Variants in SLC25A12 observed in about 807,000 individuals in gnomAD.
The protein encoded by SLC25A12 is solute carrier family 25 member 12, also known as electrogenic aspartate/glutamate antiporter SLC25A12, mitochondrial.
Under a neutral mutation model 83.3 loss-of-function variants are expected in SLC25A12, and 32 were observed. That is an observed-to-expected ratio of 0.38 (90% confidence interval 0.29 to 0.52). The LOEUF (loss-of-function observed/expected upper bound fraction) is 0.52. Among genes scored for constraint, SLC25A12 ranks in the 20% least tolerant of loss-of-function variants. The pLI is 0.84. For missense variants in SLC25A12, 611 were observed against 835.6 expected (o/e 0.73, Z 3.31); for synonymous variants, 267 against 291.1 (o/e 0.92, Z 0.84).
At chr2:171,850,352 T>C (rs1166539369) in intron 4 of SLC25A12, among the ~76,000 whole-genome samples, 1 of 135,326 alleles carries the variant, frequency 7.4e-6, no homozygotes, top group South Asian at 2.7e-4. Flanking sequence ...TTTTTTTTTT[T>C]TTTTTTTTTT....
Position 171,813,517 on chromosome 2 carries a change from T to C in SLC25A12, c.1013-20A>G. On this transcript the variant is annotated intron_variant, in intron 10 of 17. Coordinates refer to ENST00000422440, the MANE Select transcript of SLC25A12 (RefSeq NM_003705.5). ...CCACAGCTACAAACAGAACAATTTT[T>C]AGGCTTAAAAAAGAACACAATTAAA... 1.2e-6 allele frequency: 2 copies of C among 1,613,582 alleles called. No homozygotes were observed. Among genetic ancestry groups the C allele is most frequent in the East Asian group, 2.2e-5 (1 of 44,886 alleles).
In SLC25A12 at chr2:171,853,681, C is replaced by CA. The variant is rs879742369; in HGVS notation, c.325+2152dup. Among the ~76,000 whole-genome samples the CA allele has an allele frequency of 3.5e-3, 476 of 136,356 alleles. 1 individual carries two copies. Among genetic ancestry groups the CA allele is most frequent in the African/African-American group, 3.8e-3 (141 of 37,046 alleles). The allele number at this position is 136,356 out of a possible 152,430, so 89.5% of individuals were successfully genotyped here. ...GGGTGACAGAGTGAGGCTCCACCTC[C>CA]AAAAAAAAAAAACTAAAGTTGAGAT... On this transcript the variant is annotated intron_variant, in intron 4 of 17. Transcript: ENST00000422440.
intron 13 of SLC25A12, 90 bp from the exon 14 acceptor site, chr2:171,793,857 T>G: frequency 6.9e-7 from 1 of 1,449,084 alleles, no homozygotes; most frequent in Non-Finnish European, 9.7e-7. Context: ...CCTCCACATC[T>G]TGCTATCTTG....
intron 6 of SLC25A12, among the ~76,000 whole-genome samples, chr2:171,836,153 G>A (rs767809070): frequency 4.0e-5 from 6 of 149,934 alleles, no homozygotes; most frequent in Admixed American, 6.7e-5. Context: ...TGAGGGCAGG[G>A]GAGTGGGGGA....
intron 11 of SLC25A12, among the ~76,000 whole-genome samples, chr2:171,811,842 T>TA (rs1383025767): frequency 5.9e-5 from 9 of 152,216 alleles, no homozygotes; most frequent in Middle Eastern, 3.2e-3. Context: ...AGGTTCCTTT[T>TA]AATAGGGGAC....
chr2:171,822,003 T>C (rs1422440341), intron 9 of SLC25A12, among the ~76,000 whole-genome samples: 2 of 152,224 alleles, frequency 1.3e-5, no homozygotes. Flanking sequence ...GTAGTGATTT[T>C]TTTTCCTTGT....
chr2:171,785,488 A>G lies in SLC25A12; in HGVS notation c.1836-13T>C. 2 of 1,613,532 alleles carry G rather than the reference A, an allele frequency of 1.2e-6. No individual in the cohort carries two copies. The highest frequency in any genetic ancestry group is 1.7e-6 in the Non-Finnish European group (2 of 1,179,860). On this transcript the variant is annotated splice_polypyrimidine_tract_variant and intron_variant, in intron 17 of 17. Transcript: ENST00000422440. ...ACCAGCGGGTTTGCTGTTGACAGAA[A>G]AAAAGCCAATGGTTAGCATGCTCAA... is the stretch of plus-strand genomic sequence containing the variant.
intron 5 of SLC25A12, among the ~76,000 whole-genome samples, chr2:171,842,419 C>G (rs1684699190): frequency 6.6e-6 from 1 of 152,080 alleles, no homozygotes; most frequent in Middle Eastern, 3.4e-3. Context: ...ATGGTGAAAC[C>G]CTGTCTCTAC....
intron 2 of SLC25A12, among the ~76,000 whole-genome samples, chr2:171,878,112 C>T (rs1232255383): frequency 1.3e-5 from 2 of 152,138 alleles, no homozygotes; most frequent in Non-Finnish European, 2.9e-5. Flanking sequence ...GTACCAGGCA[C>T]TATGCCTGGT....
chr2:171,822,424 C>T (rs1684212515), intron 9 of SLC25A12, among the ~76,000 whole-genome samples: 1 of 152,192 alleles, frequency 6.6e-6, no homozygotes, highest in Non-Finnish European at 1.5e-5. Flanking sequence ...CACTCTGTCA[C>T]TCAGGCTGGA....
Position 171,834,072 on chromosome 2 carries a change from A to C in SLC25A12, c.752-16T>G. On this transcript the variant is annotated splice_polypyrimidine_tract_variant and intron_variant, in intron 7 of 17. Coordinates refer to ENST00000422440, the MANE Select transcript of SLC25A12 (RefSeq NM_003705.5). ...GCAAATTCCTCTGGAACAGAGAAAA[A>C]AAAAGTTAAAATCTTGAATGATTCT... is the stretch of plus-strand genomic sequence containing the variant. 1 of 1,463,014 alleles carries C rather than the reference A, an allele frequency of 6.8e-7. No homozygotes were observed. The highest frequency in any genetic ancestry group is 1.1e-5 in the South Asian group (1 of 87,878). The allele number at this position is 1,463,014 out of a possible 1,614,324, so 90.6% of individuals were successfully genotyped here.
At chr2:171,792,866 G>A (rs147021342) in intron 14 of SLC25A12, among the ~76,000 whole-genome samples, 20 of 152,188 alleles carry the variant, frequency 1.3e-4, no homozygotes, top group Admixed American at 4.6e-4. Flanking sequence ...TGCAGTTACC[G>A]AAACAAATTT....
rs767901095 is a variant in SLC25A12 at position 171,815,193 on chromosome 2, C to T, written c.940G>A (p.Gly314Arg). 9 of 1,613,122 alleles carry T rather than the reference C, an allele frequency of 5.6e-6. No individual in the cohort carries two copies. In the South Asian group the frequency reaches 8.8e-5, roughly 16 times the overall value. Residue 314 changes from glycine to arginine, a missense_variant, in exon 10 of 18, where the codon GGG (glycine) becomes AGG (arginine). Gly to Arg is a moderately radical substitution (Grantham distance 125, BLOSUM62 -2). Transcript: ENST00000422440. ...TGGAGCCAGATAGGCCTGCCTAACCCAGGAGACTGCTGCAGAGAAGAAAAC... is the reference window on the plus strand; with the variant it reads ...TGGAGCCAGATAGGCCTGCCTAACCTAGGAGACTGCTGCAGAGAAGAAAAC... ...LAELQRQQSP[G>R]LGRPIWLQIA...
At chr2:171,822,515 C>G (rs903273068) in intron 9 of SLC25A12, among the ~76,000 whole-genome samples, 1 of 152,160 alleles carries the variant, frequency 6.6e-6, no homozygotes, top group Non-Finnish European at 1.5e-5. Flanking sequence ...TCCCAAATAG[C>G]TGAGACTACA....
Position 171,825,658 on chromosome 2 carries a change from G to C in SLC25A12, c.930+1140C>G, listed in dbSNP as rs563873748. On this transcript the variant is annotated intron_variant, in intron 9 of 17. Coordinates refer to ENST00000422440, the MANE Select transcript of SLC25A12 (RefSeq NM_003705.5). ...CCTAGTATGGCATCACACTCTCCTA[G>C]AGAATTATGAGGAACACAGGTTCCA... Among the ~76,000 whole-genome samples the C allele has an allele frequency of 4.6e-5, 7 of 152,120 alleles. No individual in the cohort carries two copies. The South Asian group carries it at 1.5e-3, about 32-fold the overall frequency.
intron 4 of SLC25A12, among the ~76,000 whole-genome samples, chr2:171,846,232 A>G (rs1165869664): frequency 6.6e-6 from 1 of 152,128 alleles, no homozygotes; most frequent in Non-Finnish European, 1.5e-5. Flanking sequence ...TTAAAAATGG[A>G]AAGCAAATTA....
intron 4 of SLC25A12, chr2:171,848,035 T>A (rs1178006124): frequency 5.4e-6 from 2 of 367,204 alleles, no homozygotes; most frequent in Non-Finnish European, 1.1e-5. Flanking sequence ...ATATATTATG[T>A]AAATATGTCT....
At chr2:171,831,731 G>A (rs901562443) in intron 8 of SLC25A12, among the ~76,000 whole-genome samples, 13 of 151,684 alleles carry the variant, frequency 8.6e-5, no homozygotes, top group Non-Finnish European at 1.6e-4. Context: ...CATGGCTGTC[G>A]CTACTAAAAA....
intron 2 of SLC25A12, among the ~76,000 whole-genome samples, chr2:171,887,714 T>C (rs1217128339): frequency 1.3e-5 from 2 of 152,116 alleles, no homozygotes; most frequent in Non-Finnish European, 2.9e-5. Context: ...AAGGGATAAA[T>C]CAAGAAATGA....
Sources: allele counts gnomAD v4.1 joint callset (sites outside exome capture counted in the v4.1 genomes callset), GRCh38; gene constraint gnomAD v4.1.1; transcripts MANE v1.5; gene names NCBI Gene and HGNC (gene_info 2026-07-23, HGNC 2026-07-21).